DOK6: variants seen among roughly 807,000 people sequenced by gnomAD.
DOK6 encodes docking protein 6.
Under a neutral mutation model 44.0 loss-of-function variants are expected in DOK6, and 22 were observed. The ratio of observed to expected loss-of-function variants is 0.50; its 90% CI spans 0.36 to 0.71. The LOEUF (loss-of-function observed/expected upper bound fraction) is 0.71, where lower values mean the gene tolerates loss of function less well. Ranked by LOEUF, DOK6 falls within the 30% of genes least tolerant of loss-of-function variation. The pLI is 0.00. For missense variants in DOK6, 340 were observed against 416.4 expected, an observed-to-expected ratio of 0.82 and a Z score of 1.60; for synonymous variants, 166 against 145.5, an observed-to-expected ratio of 1.14 and a Z score of -1.01.
At chr18:69,636,565 A>G (rs929873280) in intron 3 of DOK6, among the ~76,000 whole-genome samples, 2 of 152,244 alleles carry the variant, frequency 1.3e-5, no homozygotes, top group African/African-American at 4.8e-5. Context: ...TGAATGTCCC[A>G]GGAGGACAAT....
At chr18:69,427,296 C>T (rs1036417088) in intron 1 of DOK6, among the ~76,000 whole-genome samples, 1 of 152,084 alleles carries the variant, frequency 6.6e-6, no homozygotes, top group East Asian at 1.9e-4. Flanking sequence ...CAAACTACCA[C>T]ATAAAAACGT....
intron 1 of DOK6, among the ~76,000 whole-genome samples, chr18:69,429,620 CATATATATATATATATATATAT>C (rs143819043): frequency 0.015 from 1,581 of 105,948 alleles, 57 homozygotes; most frequent in Admixed American, 0.037. Context: ...TTGAGGGATA[CATATATATATATATATATATAT>C]ATATATATAT....
chr18:69,767,363 T>C (rs971857295), intron 7 of DOK6, among the ~76,000 whole-genome samples: 11 of 152,224 alleles, frequency 7.2e-5, no homozygotes, highest in African/African-American at 2.2e-4. Flanking sequence ...GAAGTCTTCA[T>C]TTAAGTTTTT....
At chr18:69,562,788 A>G (rs549212893) in intron 1 of DOK6, among the ~76,000 whole-genome samples, 1 of 152,222 alleles carries the variant, frequency 6.6e-6, no homozygotes, top group East Asian at 1.9e-4. Context: ...ACAAAAGCCA[A>G]AATTGACAAA....
At chr18:69,650,984 G>T (rs1985209788) in intron 3 of DOK6, among the ~76,000 whole-genome samples, 1 of 152,192 alleles carries the variant, frequency 6.6e-6, no homozygotes, top group African/African-American at 2.4e-5. Context: ...TATGGAATAT[G>T]CTGCAGCCAT....
At chr18:69,636,342 G>A (rs73459979) in intron 3 of DOK6, among the ~76,000 whole-genome samples, 7,250 of 152,164 alleles carry the variant, frequency 0.048, 566 homozygotes, top group African/African-American at 0.17. Flanking sequence ...AAGATATTAT[G>A]AGGACAAGTG....
At chr18:69,581,025 A>C (rs902565487) in intron 2 of DOK6, among the ~76,000 whole-genome samples, 1 of 152,130 alleles carries the variant, frequency 6.6e-6, no homozygotes, top group Non-Finnish European at 1.5e-5. Flanking sequence ...ATTCAGAATT[A>C]TTTTCTTAAT....
chr18:69,554,265 A>G (rs1982635604), intron 1 of DOK6, among the ~76,000 whole-genome samples: 5 of 152,158 alleles, frequency 3.3e-5, no homozygotes, highest in Non-Finnish European at 5.9e-5. Context: ...CAATCCCAAT[A>G]CATTCCTTCC....
In DOK6 at chr18:69,698,568, A is replaced by G. The variant is rs763279192; in HGVS notation, c.574A>G (p.Thr192Ala). 5.0e-6 allele frequency: 8 copies of G among 1,613,720 alleles called. No individual in the cohort carries two copies. The East Asian group carries it at 6.7e-5, about 13-fold the overall frequency. Residue 192 changes from threonine (T) to alanine (A), a missense_variant, in exon 5 of 8, where the codon ACG becomes GCG. This residue lies in a region of DOK6 where 206 missense variants were observed against 258.6 expected (regional missense o/e 0.80). Transcript: ENST00000382713. ...SSLRRYGRDS[T>A]WFTFESGRMC... ...ACTGAGGAGATACGGTCGGGACTCA[A>G]CGTGGTTCACGTTTGAGTCAGGAAG...
At chr18:69,740,825 C>T (rs1978775880) in intron 6 of DOK6, among the ~76,000 whole-genome samples, 1 of 152,192 alleles carries the variant, frequency 6.6e-6, no homozygotes, top group African/African-American at 2.4e-5. Context: ...ACGGTGATGT[C>T]GGAGTGACAT....
intron 1 of DOK6, among the ~76,000 whole-genome samples, chr18:69,553,342 C>T (rs1196079965): frequency 2.6e-5 from 4 of 152,138 alleles, no homozygotes; most frequent in African/African-American, 7.2e-5. Flanking sequence ...AATAAAGAGA[C>T]ATAAATCATG....
intron 2 of DOK6, among the ~76,000 whole-genome samples, chr18:69,579,571 C>T (rs1599203064): frequency 6.8e-6 from 1 of 147,602 alleles, no homozygotes; most frequent in Non-Finnish European, 1.5e-5. Flanking sequence ...GCCAACTTTT[C>T]TTTTTTTTTT....
At position 69,415,020 on chromosome 18, in the gene DOK6, CT is replaced by C. The variant is rs538454066; in HGVS notation, c.66+13714del. Among the ~76,000 whole-genome samples, 12 of 152,158 alleles carry C rather than the reference CT, an allele frequency of 7.9e-5. No homozygotes were observed. The South Asian group carries it at 2.5e-3, about 32-fold the overall frequency. On this transcript the variant is annotated intron_variant, in intron 1 of 7. Coordinates refer to ENST00000382713, the MANE Select transcript of DOK6 (RefSeq NM_152721.6). ...AAGTTTCAAATATCTTTAACTCTCA[CT>C]TTTCTTAATTATGAATTGGGTAGAA...
At chr18:69,485,779 C>T (rs1980558770) in intron 1 of DOK6, among the ~76,000 whole-genome samples, 1 of 151,932 alleles carries the variant, frequency 6.6e-6, no homozygotes, top group Non-Finnish European at 1.5e-5. Flanking sequence ...AAAATTTAGT[C>T]AAATCATTCT....
At chr18:69,428,912 T>G (rs2052596537) in intron 1 of DOK6, among the ~76,000 whole-genome samples, 1 of 152,246 alleles carries the variant, frequency 6.6e-6, no homozygotes, top group African/African-American at 2.4e-5. Context: ...TTATTAGTGT[T>G]TCCTTATAGG....
chr18:69,739,304 G>C, intron 6 of DOK6: 1 of 604,850 alleles, frequency 1.7e-6, no homozygotes, highest in Non-Finnish European at 2.7e-6. Flanking sequence ...CACCAACTGT[G>C]AGCCCTGCAC....
chr18:69,724,195 A>T (rs1344303623), intron 5 of DOK6, among the ~76,000 whole-genome samples: 1 of 152,220 alleles, frequency 6.6e-6, no homozygotes, highest in African/African-American at 2.4e-5. Context: ...GAATTATATA[A>T]ATAAGATAAT....
chr18:69,796,773 A>G (rs1197973651), intron 7 of DOK6, among the ~76,000 whole-genome samples: 6 of 148,194 alleles, frequency 4.0e-5, no homozygotes, highest in Non-Finnish European at 8.9e-5. Context: ...AGCCAGCTGC[A>G]GGACTCTGTG....
intron 3 of DOK6, among the ~76,000 whole-genome samples, chr18:69,600,112 C>G (rs948490881): frequency 6.6e-6 from 1 of 152,094 alleles, no homozygotes. Flanking sequence ...AGATTTTGCT[C>G]AATGCAATGG....
Sources: allele counts gnomAD v4.1 joint callset (sites outside exome capture counted in the v4.1 genomes callset), GRCh38; gene constraint gnomAD v4.1.1; regional missense constraint gnomAD v4.1.1; transcripts MANE v1.5; gene names NCBI Gene and HGNC (gene_info 2026-07-23, HGNC 2026-07-21).